The following PRELID2 variants were observed in gnomAD, a reference collection of about 807,000 sequenced individuals.
PRELID2 encodes the protein PRELI domain containing 2.
PRELID2 carries 25 observed loss-of-function variants against 28.4 expected under a neutral mutation model. The ratio of observed to expected loss-of-function variants is 0.88; its 90% CI spans 0.64 to 1.23. The LOEUF (loss-of-function observed/expected upper bound fraction) is 1.23. Ranked by LOEUF, PRELID2 falls within the 50% of genes most tolerant of loss-of-function variation. The pLI is 0.00. For missense variants in PRELID2, 201 were observed against 214.4 expected (o/e 0.94, Z 0.39); for synonymous variants, 76 against 71.6 (o/e 1.06, Z -0.31).
At chr5:145,299,644 CGTGTGTGTGTGTGTGTGT>C in the PRELID2 span, among the ~76,000 whole-genome samples, 1 of 109,412 alleles carries the variant, frequency 9.1e-6, no homozygotes, top group South Asian at 2.6e-4. Context: ...TATGTGTGTG[CGTGTGTGTGTGTGTGTGT>C]GTGTGTGTGT....
intron 1 of PRELID2, among the ~76,000 whole-genome samples, chr5:145,582,670 C>A (rs1171676700): frequency 1.3e-5 from 2 of 152,118 alleles, no homozygotes; most frequent in Non-Finnish European, 2.9e-5. Context: ...ATAAACACCT[C>A]TATGCACAGA....
At position 145,655,431 on chromosome 5, in the gene PRELID2, C is replaced by T. The variant is rs532940201; in HGVS notation, n.70+109500G>A. Among the ~76,000 whole-genome samples the T allele has an allele frequency of 2.6e-5, 4 of 152,208 alleles. No homozygotes were observed. In the East Asian group the frequency reaches 5.8e-4, roughly 22 times the overall value. On this transcript the variant is annotated intron_variant and non_coding_transcript_variant, in intron 1 of 2. Transcript: ENST00000510259. ...GTTCATGTGGAACCAAAAAAGAGCC[C>T]GCATTGCCAAAACAATTCTAAGCCA... is the stretch of plus-strand genomic sequence containing the variant.
At chr5:145,481,325 C>T (rs1752157297) in intron 1 of PRELID2, among the ~76,000 whole-genome samples, 1 of 151,916 alleles carries the variant, frequency 6.6e-6, no homozygotes, top group Non-Finnish European at 1.5e-5. Context: ...TCTCCTCCCA[C>T]AAAAGAGTGC....
the PRELID2 span, among the ~76,000 whole-genome samples, chr5:145,463,101 T>C: frequency 6.6e-6 from 1 of 152,142 alleles, no homozygotes; most frequent in South Asian, 2.1e-4. Flanking sequence ...TTTAATTATG[T>C]GGAACTAAAT....
intron 1 of PRELID2, chr5:145,728,613 G>T: frequency 9.4e-7 from 1 of 1,061,762 alleles, no homozygotes; most frequent in Non-Finnish European, 1.5e-6. Context: ...AATGACCACT[G>T]TAACATTATA....
the PRELID2 span, among the ~76,000 whole-genome samples, chr5:145,404,566 A>G: frequency 6.6e-6 from 1 of 152,318 alleles, no homozygotes; most frequent in South Asian, 2.1e-4. Flanking sequence ...CAATTATAAT[A>G]CAGTGTGGAG....
intron 1 of PRELID2, among the ~76,000 whole-genome samples, chr5:145,827,427 T>A (rs1323620907): frequency 6.6e-6 from 1 of 152,124 alleles, no homozygotes; most frequent in Non-Finnish European, 1.5e-5. Context: ...TTCAATAGGA[T>A]GATGAAATAG....
intron 1 of PRELID2, among the ~76,000 whole-genome samples, chr5:145,729,586 C>G (rs1756276411): frequency 6.6e-6 from 1 of 152,160 alleles, no homozygotes; most frequent in South Asian, 2.1e-4. Flanking sequence ...TTTGCTTTCA[C>G]TTTGTCCCAT....
chr5:145,486,648 A>C (rs1016744531), intron 1 of PRELID2, among the ~76,000 whole-genome samples: 12 of 152,184 alleles, frequency 7.9e-5, no homozygotes, highest in Non-Finnish European at 1.8e-4. Flanking sequence ...TATTCCATAA[A>C]ATTAAGGAAA....
chr5:145,511,512 C>T (rs926461089), intron 1 of PRELID2, among the ~76,000 whole-genome samples: 1 of 152,170 alleles, frequency 6.6e-6, no homozygotes, highest in African/African-American at 2.4e-5. Context: ...ACAGTGAATT[C>T]CACAAGTGGG....
rs1453280243 is a variant in PRELID2, at chr5:145,689,317, A to G, written n.70+75614T>C. Among the ~76,000 whole-genome samples the G allele has an allele frequency of 2.0e-5, 3 of 152,222 alleles. No homozygotes were observed. The East Asian group carries it at 5.8e-4, about 29-fold the overall frequency. On this transcript the variant is annotated intron_variant and non_coding_transcript_variant, in intron 1 of 2. Coordinates refer to the PRELID2 transcript ENST00000510259. ...AGTGTTAAAAAAAAGAAAAACTGCA[A>G]ATAGGAACCAACTGCTGCTACTAGA... is the stretch of plus-strand genomic sequence containing the variant.
At chr5:145,409,844 C>T in the PRELID2 span, among the ~76,000 whole-genome samples, 1 of 151,738 alleles carries the variant, frequency 6.6e-6, no homozygotes, top group South Asian at 2.1e-4. Context: ...AAAGTGCCTG[C>T]ATAGCCAAAG....
At chr5:145,503,504 A>G (rs927502653) in intron 1 of PRELID2, among the ~76,000 whole-genome samples, 1 of 151,590 alleles carries the variant, frequency 6.6e-6, no homozygotes, top group African/African-American at 2.4e-5. Context: ...GTCATTTTCT[A>G]CGCATTTCCT....
chr5:145,752,421 T>A (rs187273888), downstream of PRELID2, among the ~76,000 whole-genome samples: 4 of 152,322 alleles, frequency 2.6e-5, no homozygotes, highest in East Asian at 7.7e-4. Context: ...GTGCCACCAA[T>A]GCGACTCCAA....
chr5:145,336,662 C>T, the PRELID2 span, among the ~76,000 whole-genome samples: 28 of 152,092 alleles, frequency 1.8e-4, no homozygotes, highest in African/African-American at 5.3e-4. Flanking sequence ...CACATGCACA[C>T]GTATGTTTAT....
chr5:145,373,034 AAT>A, the PRELID2 span, among the ~76,000 whole-genome samples: 1 of 116,376 alleles, frequency 8.6e-6, no homozygotes, highest in Non-Finnish European at 1.6e-5. Flanking sequence ...CAACATATAT[AAT>A]ATGATATATA....
the PRELID2 span, among the ~76,000 whole-genome samples, chr5:145,308,622 A>AT: frequency 0.036 from 5,316 of 147,004 alleles, 117 homozygotes; most frequent in Middle Eastern, 0.068. Context: ...GTTAGAGTGT[A>AT]TTTTTTTTTT....
At chr5:145,523,921 GTTTGAAAAACAAAAGT>G (rs1752585291) in intron 1 of PRELID2, among the ~76,000 whole-genome samples, 1 of 152,104 alleles carries the variant, frequency 6.6e-6, no homozygotes, top group Non-Finnish European at 1.5e-5. Flanking sequence ...GACCACTTTT[GTTTGAAAAACAAAAGT>G]TTTTCTGGTG....
chr5:145,774,979 C>G (rs1379599469), intron 5 of PRELID2, among the ~76,000 whole-genome samples: 3 of 152,206 alleles, frequency 2.0e-5, no homozygotes, highest in African/African-American at 7.2e-5. Context: ...ATGGCTGACA[C>G]CTATAAACCC....
Sources: allele counts gnomAD v4.1 joint callset (sites outside exome capture counted in the v4.1 genomes callset), GRCh38; gene constraint gnomAD v4.1.1; transcripts MANE v1.5; gene names NCBI Gene and HGNC (gene_info 2026-07-23, HGNC 2026-07-21).